TFCP2L1: variants seen among roughly 807,000 people sequenced by gnomAD.
The protein encoded by TFCP2L1 is transcription factor CP2 like 1, also known as transcription factor CP2-like protein 1.
Under a neutral mutation model 72.2 loss-of-function variants are expected in TFCP2L1, and 12 were observed. That is an observed-to-expected ratio of 0.17 (90% CI 0.11 to 0.27). The LOEUF (loss-of-function observed/expected upper bound fraction) is 0.27, where lower values mean the gene tolerates loss of function less well. Ranked by LOEUF, TFCP2L1 falls within the 10% of genes least tolerant of loss-of-function variation. The pLI, the probability that TFCP2L1 is intolerant of heterozygous loss-of-function variation, is 1.00. For synonymous variants in TFCP2L1, 260 were observed against 251.0 expected, an observed-to-expected ratio of 1.04 and a Z score of -0.34; for missense variants, 488 against 624.6, an observed-to-expected ratio of 0.78 and a Z score of 2.33.
chr2:121,242,449 T>C lies in TFCP2L1; in HGVS notation c.678A>G (p.Lys226=). The change falls in exon 7 of 15, where the codon AAA becomes AAG. Residue 226 remains lysine (K), a synonymous_variant. Transcript: ENST00000263707. ...CCATCTTCTCCCGGTCAGTCTTCTG[T>C]TTCCGATCGGCTCCCTTCGGCTGCG... is the stretch of plus-strand genomic sequence containing the variant. ...KVFKPKGADR[K]QKTDREKMEK... 1.9e-6 allele frequency: 3 copies of C among 1,614,102 alleles called. No homozygotes were observed. Among genetic ancestry groups the C allele is most frequent in the Non-Finnish European group, 2.5e-6 (3 of 1,180,024 alleles).
intron 2 of TFCP2L1, among the ~76,000 whole-genome samples, chr2:121,270,881 T>TTC (rs895164873): frequency 1.3e-5 from 2 of 149,396 alleles, no homozygotes; most frequent in African/African-American, 4.9e-5. Flanking sequence ...AACACACTTT[T>TTC]TTTTTTTTTT....
intron 2 of TFCP2L1, among the ~76,000 whole-genome samples, chr2:121,273,366 C>A (rs1443674237): frequency 6.6e-6 from 1 of 152,132 alleles, no homozygotes; most frequent in South Asian, 2.1e-4. Context: ...CTCCAGCCTT[C>A]GGGAAGATAT....
intron 2 of TFCP2L1, among the ~76,000 whole-genome samples, chr2:121,251,935 C>G (rs192068223): frequency 5.3e-5 from 8 of 152,294 alleles, no homozygotes; most frequent in Admixed American, 3.9e-4. Context: ...TTTAAAATTA[C>G]TTCTATGTAT....
chr2:121,251,306 A>C (rs1158547756), intron 2 of TFCP2L1, among the ~76,000 whole-genome samples: 2 of 151,926 alleles, frequency 1.3e-5, no homozygotes, highest in East Asian at 3.9e-4. Context: ...TTGTGCCAGC[A>C]TCCCCCACGG....
chr2:121,247,177 C>CA (rs1686506433), intron 5 of TFCP2L1, among the ~76,000 whole-genome samples: 1 of 152,168 alleles, frequency 6.6e-6, no homozygotes, highest in Non-Finnish European at 1.5e-5. Flanking sequence ...TACACACCCC[C>CA]ACCTTTGTCT....
At chr2:121,242,712 TA>T (rs1426333952) in intron 6 of TFCP2L1, among the ~76,000 whole-genome samples, 2 of 152,264 alleles carry the variant, frequency 1.3e-5, no homozygotes, top group Non-Finnish European at 2.9e-5. Context: ...GCCACTCGCT[TA>T]TGAAAAGGAA....
Position 121,285,071 on chromosome 2 carries a change from C to A in TFCP2L1, c.39G>T (p.Gln13His), listed in dbSNP as rs1418076630. 1 of 1,524,000 alleles carries A rather than the reference C, an allele frequency of 6.6e-7. No homozygotes were observed. Among genetic ancestry groups the A allele is most frequent in the Non-Finnish European group, 8.8e-7 (1 of 1,138,474 alleles). The allele number at this position is 1,524,000 out of a possible 1,614,324, so 94.4% of individuals were successfully genotyped here. A position where few individuals can be genotyped will look rare whatever the true frequency, so the allele number is the denominator to read the frequency against. The change falls in exon 1 of 15, where the codon CAG (glutamine) becomes CAT (histidine). Residue 13 changes from glutamine (Q) to histidine (H), a missense_variant. Physicochemically the swap from Gln to His is conservative, Grantham distance 24. This residue lies in a region of TFCP2L1 where 73 missense variants were observed against 59.7 expected (regional missense o/e 1.22). Transcript: ENST00000263707. Reference sequence around the variant, plus strand: ...ACCGCAGGTAGCTGCCGGAGTTGTGCTGGTTGTAGTGCTCGGGCTGCGTGT... The same window carrying A: ...ACCGCAGGTAGCTGCCGGAGTTGTGATGGTTGTAGTGCTCGGGCTGCGTGT... Reference protein sequence around the residue: ...FWHTQPEHYNQHNSGSYLRDV... With the variant: ...FWHTQPEHYNHHNSGSYLRDV...
At chr2:121,235,756 T>C (rs536695078) in intron 10 of TFCP2L1, among the ~76,000 whole-genome samples, 32 of 151,738 alleles carry the variant, frequency 2.1e-4, no homozygotes, top group Middle Eastern at 3.4e-3. Flanking sequence ...TCTGTATGCA[T>C]AGATGTCATC....
chr2:121,261,920 G>A (rs1373937198), intron 2 of TFCP2L1, among the ~76,000 whole-genome samples: 1 of 152,124 alleles, frequency 6.6e-6, no homozygotes. Flanking sequence ...GCACTGCTGG[G>A]GATACGATGT....
Position 121,220,721 on chromosome 2 carries a change from C to T in TFCP2L1, c.*3620G>A, listed in dbSNP as rs1241492745. 1.3e-5 allele frequency: 2 copies of T among 152,198 alleles called. No homozygotes were observed. Among genetic ancestry groups the T allele is most frequent in the Admixed American group, 1.3e-4 (2 of 15,272 alleles). 9.4% of individuals were successfully genotyped at this position (152,198 alleles called of 1,614,324 possible). A position where few individuals can be genotyped will look rare whatever the true frequency, so the allele number is the denominator to read the frequency against. ...GGCTATGGCTTTTCTGTATGTCAAT[C>T]AAATGAAAAATAAAACCTGGAGCTT... is the stretch of plus-strand genomic sequence containing the variant. On this transcript the variant is annotated 3_prime_UTR_variant, in exon 15 of 15. Transcript: ENST00000263707.
At position 121,278,257 on chromosome 2, in the gene TFCP2L1, C is replaced by T. The variant is rs865998276; in HGVS notation, c.214+2863G>A. 5.8e-3 allele frequency among the ~76,000 whole-genome samples: 852 copies of T among 148,136 alleles called. 7 individuals are homozygous for T. The highest frequency in any genetic ancestry group is 0.02 in the African/African-American group (821 of 40,868). Reference sequence around the variant, plus strand: ...TTCACCTTGTTAGCCAGGATGGTCTCGATCTCCTGACCTCATGATCCACCC... The same window carrying T: ...TTCACCTTGTTAGCCAGGATGGTCTTGATCTCCTGACCTCATGATCCACCC... On this transcript the variant is annotated intron_variant, in intron 2 of 14. Coordinates refer to ENST00000263707, the MANE Select transcript of TFCP2L1 (RefSeq NM_014553.3).
rs11331791 is a variant in TFCP2L1 at position 121,221,400 on chromosome 2, TA to T, written c.*2940del. 107,150 of 143,230 alleles carry T rather than the reference TA, an allele frequency of 0.75. 40,008 individuals carry two copies. The highest frequency in any genetic ancestry group is 0.84 in the South Asian group (3,826 of 4,540). The allele number at this position is 143,230 out of a possible 1,614,324, so 8.9% of individuals were successfully genotyped here. On this transcript the variant is annotated 3_prime_UTR_variant, in exon 15 of 15. Transcript: ENST00000263707. ...CTGGTGGAACCAAACACAGACTAAG[TA>T]AAAAAAAAAAAAAGGTAAGCTTCCC...
At chr2:121,268,361 A>T (rs1686974326) in intron 2 of TFCP2L1, among the ~76,000 whole-genome samples, 2 of 151,324 alleles carry the variant, frequency 1.3e-5, no homozygotes, top group Non-Finnish European at 2.9e-5. Flanking sequence ...CCATTTATTT[A>T]TTTATTTATT....
chr2:121,226,260 A>G (rs1309120310), intron 13 of TFCP2L1, among the ~76,000 whole-genome samples: 1 of 151,916 alleles, frequency 6.6e-6, no homozygotes, highest in East Asian at 1.9e-4. Context: ...AAGGTGTGAC[A>G]TGATTGCAAT....
chr2:121,246,579 T>C (rs1322466910), intron 6 of TFCP2L1, among the ~76,000 whole-genome samples: 1 of 152,210 alleles, frequency 6.6e-6, no homozygotes, highest in African/African-American at 2.4e-5. Flanking sequence ...TGCCGATGCT[T>C]CTGCCAGAAG....
chr2:121,233,036 A>G (rs1022348874), intron 12 of TFCP2L1, among the ~76,000 whole-genome samples: 1 of 152,208 alleles, frequency 6.6e-6, no homozygotes, highest in Non-Finnish European at 1.5e-5. Context: ...AAGCACACAC[A>G]GGTGGGTGTG....
Position 121,250,370 on chromosome 2 carries a change from A to G in TFCP2L1, c.215-723T>C, listed in dbSNP as rs534109866. On this transcript the variant is annotated intron_variant, in intron 2 of 14. Coordinates refer to ENST00000263707, the MANE Select transcript of TFCP2L1 (RefSeq NM_014553.3). Reference sequence around the variant, plus strand: ...GTTATATATATATATATATACACACACACACATACATATATGTATGTGTAT... The same window carrying G: ...GTTATATATATATATATATACACACGCACACATACATATATGTATGTGTAT... Among the ~76,000 whole-genome samples the G allele has an allele frequency of 3.0e-3, 456 of 151,026 alleles. 5 individuals carry two copies. Among genetic ancestry groups the G allele is most frequent in the African/African-American group, 1.0e-2 (410 of 41,046 alleles).
chr2:121,270,010 T>C (rs964574933), intron 2 of TFCP2L1, among the ~76,000 whole-genome samples: 2 of 151,270 alleles, frequency 1.3e-5, no homozygotes, highest in Non-Finnish European at 2.9e-5. Flanking sequence ...GTACATATTA[T>C]AATATCCCAA....
In TFCP2L1 at chr2:121,275,568, C is replaced by CTT. The variant is rs931104631; in HGVS notation, c.214+5550_214+5551dup. ...TTTAAGAAAAAGTATAGAAGTAAGTCTTTTTTTTTTTTTTTTTTTTGAGAC... is the reference window on the plus strand; with the variant it reads ...TTTAAGAAAAAGTATAGAAGTAAGTCTTTTTTTTTTTTTTTTTTTTTTGAGAC... On this transcript the variant is annotated intron_variant, in intron 2 of 14. Transcript: ENST00000263707. Among the ~76,000 whole-genome samples the CTT allele has an allele frequency of 1.7e-3, 207 of 121,740 alleles. 2 individuals carry two copies. The South Asian group carries it at 0.02, about 12-fold the overall frequency. 79.9% of individuals were successfully genotyped at this position (121,740 alleles called of 152,430 possible).
Sources: allele counts gnomAD v4.1 joint callset (sites outside exome capture counted in the v4.1 genomes callset), GRCh38; gene constraint gnomAD v4.1.1; regional missense constraint gnomAD v4.1.1; transcripts MANE v1.5; gene names NCBI Gene and HGNC (gene_info 2026-07-23, HGNC 2026-07-21).